Variants in CSMD1 observed in about 807,000 individuals in gnomAD.
CSMD1 encodes the protein CUB and Sushi multiple domains 1, also known as CUB and sushi domain-containing protein 1.
A neutral mutation model predicts 417.5 loss-of-function variants in CSMD1; 213 were observed. The ratio of observed to expected loss-of-function variants is 0.51; its 90% confidence interval spans 0.46 to 0.57. CSMD1 has a LOEUF of 0.57. CSMD1 is among the 20% of genes least tolerant of loss of function. The pLI, the probability that CSMD1 is intolerant of heterozygous loss-of-function variation, is 0.00. For missense variants in CSMD1, 6,923 were observed against 4,529.7 expected (o/e 1.53, Z -15.17); for synonymous variants, 2,862 against 1,736.8 (o/e 1.65, Z -16.11).
chr8:3,162,013 G>A, intron 38 of CSMD1, 146 bp downstream of exon 38: 1 of 589,838 alleles, frequency 1.7e-6, no homozygotes, highest in Non-Finnish European at 3.0e-6. Flanking sequence ...TGACGAAGAT[G>A]ACCAACATGC....
In CSMD1 at chr8:3,817,405, C is replaced by A. The variant is rs546646108; in HGVS notation, c.819-63363G>T. Among the ~76,000 whole-genome samples the A allele has an allele frequency of 2.4e-3, 357 of 151,526 alleles. 2 individuals are homozygous for A. The highest frequency in any genetic ancestry group is 4.2e-3 in the Non-Finnish European group (285 of 67,850). ...AAGTTATTCTTCTGCCTCAACCTCC[C>A]AAGTAGCTGGGACTATAGGCGTGCG... is the stretch of plus-strand genomic sequence containing the variant. On this transcript the variant is annotated intron_variant, in intron 5 of 69. Transcript: ENST00000635120.
Position 3,943,827 on chromosome 8 carries a change from G to A in CSMD1, c.818+54076C>T, listed in dbSNP as rs147408321. ...GGCCCTTACTCTCCAAAAGTGTAAA[G>A]GATATGGAAGGAAAAAATTGCCGTT... On this transcript the variant is annotated intron_variant, in intron 5 of 69. Transcript: ENST00000635120. 4.3e-3 allele frequency among the ~76,000 whole-genome samples: 657 copies of A among 152,186 alleles called. 15 individuals carry two copies. Among genetic ancestry groups the A allele is most frequent in the Admixed American group, 0.035 (540 of 15,260 alleles).
chr8:4,431,401 A>G (rs1563165987), intron 2 of CSMD1, among the ~76,000 whole-genome samples: 2 of 152,312 alleles, frequency 1.3e-5, no homozygotes, highest in East Asian at 3.9e-4. Flanking sequence ...CATACGCACA[A>G]ACTTAGATTG....
chr8:3,021,401 C>T (rs1469913945), intron 51 of CSMD1, among the ~76,000 whole-genome samples: 2 of 152,198 alleles, frequency 1.3e-5, no homozygotes, highest in African/African-American at 4.8e-5. Flanking sequence ...TCTTGCCTGA[C>T]TGAAAAGGGG....
intron 5 of CSMD1, among the ~76,000 whole-genome samples, chr8:3,970,888 A>T (rs796418000): frequency 1.3e-5 from 2 of 152,078 alleles, no homozygotes; most frequent in African/African-American, 4.8e-5. Flanking sequence ...AGTAGCTGGG[A>T]TTACAGGTGA....
intron 49 of CSMD1, among the ~76,000 whole-genome samples, chr8:3,067,490 C>A (rs1813012948): frequency 6.6e-6 from 1 of 151,928 alleles, no homozygotes; most frequent in Non-Finnish European, 1.5e-5. Flanking sequence ...TCTCCAGGTC[C>A]ACACAGACAT....
At chr8:3,481,889 C>T (rs982760318) in intron 11 of CSMD1, among the ~76,000 whole-genome samples, 1 of 152,148 alleles carries the variant, frequency 6.6e-6, no homozygotes, top group African/African-American at 2.4e-5. Context: ...GTTTCCAGAA[C>T]TGAGAGTACA....
chr8:3,437,253 T>G lies in CSMD1; in HGVS notation c.1562-27648A>C, dbSNP rs185634779. Among the ~76,000 whole-genome samples the G allele has an allele frequency of 9.6e-4, 146 of 152,310 alleles. 1 individual carries two copies. Among genetic ancestry groups the G allele is most frequent in the African/African-American group, 3.4e-3 (140 of 41,572 alleles). On this transcript the variant is annotated intron_variant, in intron 12 of 69. Transcript: ENST00000635120. ...GATGTATCCTTGTCTAATACCACCATTCACTGAAGACAACACAGGCATCCC... is the reference window on the plus strand; with the variant it reads ...GATGTATCCTTGTCTAATACCACCAGTCACTGAAGACAACACAGGCATCCC...
chr8:4,032,049 G>C lies in CSMD1; in HGVS notation c.466C>G (p.Leu156Val), dbSNP rs753673290. The change falls in exon 4 of 70, where the codon CTG becomes GTG. Residue 156 changes from leucine (L) to valine (V), a missense_variant. By Grantham distance (32) the Leu-to-Val change is conservative. Transcript: ENST00000635120. ...GNPGEILKGVLHGTRFNIGDK... is the reference protein window; with the variant it reads ...GNPGEILKGVVHGTRFNIGDK... ...CCTATGTTGAATCTCGTTCCATGCA[G>C]AACTCCTTTCAGGATTTCTCCAGGA... 4.3e-6 allele frequency: 7 copies of C among 1,613,760 alleles called. No homozygotes were observed. In the Admixed American group the frequency reaches 1.0e-4, roughly 23 times the overall value.
chr8:4,774,967 C>CT (rs1287183234), intron 1 of CSMD1, among the ~76,000 whole-genome samples: 2 of 152,128 alleles, frequency 1.3e-5, no homozygotes, highest in African/African-American at 2.4e-5. Context: ...AATTAAACCC[C>CT]TTTTGTTTAC....
intron 1 of CSMD1, among the ~76,000 whole-genome samples, chr8:4,655,931 A>G (rs139350561): frequency 6.6e-6 from 1 of 152,254 alleles, no homozygotes; most frequent in East Asian, 1.9e-4. Flanking sequence ...TTAGGCTCAG[A>G]GAAGACACAG....
intron 5 of CSMD1, among the ~76,000 whole-genome samples, chr8:3,782,277 T>C (rs1019241847): frequency 1.2e-4 from 19 of 152,242 alleles, no homozygotes; most frequent in South Asian, 4.1e-4. Flanking sequence ...ATGATACTCA[T>C]TGACTTGCTT....
At chr8:4,875,543 C>T (rs995382987) in intron 1 of CSMD1, among the ~76,000 whole-genome samples, 12 of 151,976 alleles carry the variant, frequency 7.9e-5, no homozygotes, top group African/African-American at 1.5e-4. Flanking sequence ...ATCTACTGTC[C>T]AACTCAAGCA....
At chr8:2,945,063 T>C (rs956088398) in intron 68 of CSMD1, among the ~76,000 whole-genome samples, 1 of 152,212 alleles carries the variant, frequency 6.6e-6, no homozygotes, top group African/African-American at 2.4e-5. Context: ...TTGCCTTGTT[T>C]TAATAATTTG....
At chr8:4,802,524 T>C (rs1404918849) in intron 1 of CSMD1, among the ~76,000 whole-genome samples, 1 of 152,158 alleles carries the variant, frequency 6.6e-6, no homozygotes, top group Non-Finnish European at 1.5e-5. Flanking sequence ...AGAGTGTGAA[T>C]TTCCAAGCAA....
intron 3 of CSMD1, among the ~76,000 whole-genome samples, chr8:4,405,559 G>A (rs998583494): frequency 7.9e-5 from 12 of 152,060 alleles, no homozygotes; most frequent in African/African-American, 2.9e-4. Flanking sequence ...CATCACCATG[G>A]ATTCAGAAAT....
intron 53 of CSMD1, among the ~76,000 whole-genome samples, chr8:2,998,678 A>T (rs551316519): frequency 6.6e-6 from 1 of 152,216 alleles, no homozygotes; most frequent in East Asian, 1.9e-4. Context: ...TTAGCAAAAT[A>T]ACTAAGCACA....
intron 5 of CSMD1, among the ~76,000 whole-genome samples, chr8:3,929,005 G>A (rs545181956): frequency 2.7e-5 from 4 of 150,536 alleles, no homozygotes; most frequent in East Asian, 2.0e-4. Context: ...AAATCTTACC[G>A]ATTTTTGGTT....
intron 2 of CSMD1, among the ~76,000 whole-genome samples, chr8:4,580,198 G>C (rs560533735): frequency 6.6e-6 from 1 of 152,288 alleles, no homozygotes; most frequent in Admixed American, 6.5e-5. Flanking sequence ...AATCTAGCCT[G>C]AGCTTGCCCC....
Sources: gnomAD v4.1 joint callset for allele counts (sites outside exome capture counted in the v4.1 genomes callset) on GRCh38, gnomAD v4.1.1 for gene constraint, MANE v1.5 for transcripts, NCBI Gene and HGNC (gene_info 2026-07-23, HGNC 2026-07-21) for gene names.